The following AGBL4 variants were observed in gnomAD, a reference collection of about 807,000 sequenced individuals.
AGBL4 encodes AGBL carboxypeptidase 4.
Under a neutral mutation model 66.4 loss-of-function variants are expected in AGBL4, and 58 were observed. The observed-to-expected ratio is 0.87, with a 90% CI of 0.71 to 1.09. The LOEUF (loss-of-function observed/expected upper bound fraction) is 1.09, where lower values mean the gene tolerates loss of function less well. AGBL4 is among the 50% of genes least tolerant of loss of function. AGBL4 has a pLI of 0.00. For synonymous variants in AGBL4, 234 were observed against 222.9 expected (o/e 1.05, Z -0.44); for missense variants, 579 against 631.0 (o/e 0.92, Z 0.88).
chr1:49,569,255 T>C (rs1170388507), intron 3 of AGBL4, among the ~76,000 whole-genome samples: 1 of 151,958 alleles, frequency 6.6e-6, no homozygotes, highest in African/African-American at 2.4e-5. Context: ...GGGGCAGGGG[T>C]AGGATGGCTA....
At chr1:49,633,788 TCATAG>T (rs1012814902) in intron 3 of AGBL4, among the ~76,000 whole-genome samples, 23 of 150,382 alleles carry the variant, frequency 1.5e-4, no homozygotes, top group African/African-American at 5.6e-4. Flanking sequence ...TTTAAATATT[TCATAG>T]CATAAGTAAA....
At chr1:48,621,511 A>G (rs564317997) in intron 9 of AGBL4, among the ~76,000 whole-genome samples, 1 of 152,332 alleles carries the variant, frequency 6.6e-6, no homozygotes, top group African/African-American at 2.4e-5. Flanking sequence ...ATTGTTGGAA[A>G]GTATAAAAAA....
chr1:48,874,220 C>T (rs1208138147), intron 5 of AGBL4, among the ~76,000 whole-genome samples: 1 of 152,146 alleles, frequency 6.6e-6, no homozygotes, highest in Non-Finnish European at 1.5e-5. Flanking sequence ...GGCTCAAGCC[C>T]TTTCCTTTCC....
intron 3 of AGBL4, among the ~76,000 whole-genome samples, chr1:49,499,110 T>C (rs1647887398): frequency 6.6e-6 from 1 of 151,974 alleles, no homozygotes; most frequent in Non-Finnish European, 1.5e-5. Flanking sequence ...CTTCAATTTT[T>C]TGGGAGTCCT....
At chr1:48,685,170 A>C (rs2148484761) in intron 6 of AGBL4, among the ~76,000 whole-genome samples, 1 of 152,372 alleles carries the variant, frequency 6.6e-6, no homozygotes, top group Middle Eastern at 3.4e-3. Context: ...CCTTTCATAG[A>C]ATTTTTCAAA....
intron 3 of AGBL4, among the ~76,000 whole-genome samples, chr1:49,323,167 C>T (rs1262909423): frequency 6.6e-6 from 1 of 152,180 alleles, no homozygotes; most frequent in African/African-American, 2.4e-5. Flanking sequence ...CTTTCAAGGC[C>T]TTTCACATTT....
chr1:49,849,396 A>T (rs114221040), intron 2 of AGBL4, among the ~76,000 whole-genome samples: 3,483 of 78,108 alleles, frequency 0.045, 115 homozygotes, highest in African/African-American at 0.18. Flanking sequence ...CATCTAATTT[A>T]TTATTATTAT....
chr1:49,121,990 C>G (rs1319009959), intron 4 of AGBL4, among the ~76,000 whole-genome samples: 2 of 152,378 alleles, frequency 1.3e-5, no homozygotes. Flanking sequence ...GTGAGCAAGG[C>G]TCCGTAGGCA....
intron 3 of AGBL4, among the ~76,000 whole-genome samples, chr1:49,325,309 T>C (rs921766799): frequency 1.3e-5 from 2 of 152,200 alleles, no homozygotes; most frequent in Admixed American, 6.5e-5. Context: ...TGAAGATAAC[T>C]TACAAACAGG....
chr1:49,511,169 A>G lies in AGBL4; in HGVS notation c.282+186144T>C, dbSNP rs563874004. ...ACACACACACACGTATGTTTATTGC[A>G]GCATTATTCACAATAGCAAAGACTT... On this transcript the variant is annotated intron_variant, in intron 3 of 13. Transcript: ENST00000371839. 1.4e-4 allele frequency among the ~76,000 whole-genome samples: 22 copies of G among 152,024 alleles called. No homozygotes were observed. In the South Asian group the frequency reaches 3.9e-3, roughly 27 times the overall value.
intron 4 of AGBL4, among the ~76,000 whole-genome samples, chr1:49,116,518 G>A (rs548222672): frequency 6.6e-6 from 1 of 152,094 alleles, no homozygotes; most frequent in Non-Finnish European, 1.5e-5. Flanking sequence ...ATGTTTTCCA[G>A]CTTCATCCAT....
chr1:49,503,204 G>T (rs1262803596), intron 3 of AGBL4, among the ~76,000 whole-genome samples: 2 of 152,078 alleles, frequency 1.3e-5, no homozygotes, highest in Non-Finnish European at 2.9e-5. Context: ...GAGGGTACAA[G>T]CCCCCAGCCT....
intron 4 of AGBL4, among the ~76,000 whole-genome samples, chr1:49,104,129 T>G (rs995630836): frequency 6.6e-6 from 1 of 152,146 alleles, no homozygotes; most frequent in Non-Finnish European, 1.5e-5. Context: ...TTCTTCCTCC[T>G]TCTTCACCTG....
rs528114802 is a variant in AGBL4, at chr1:48,609,282, G to A, written c.952-18297C>T. ...CTTAACAAACTTCTGTTACTCTCCT[G>A]AAGCCTGAAGGATAATGCTCTACCA... is the stretch of plus-strand genomic sequence containing the variant. On this transcript the variant is annotated intron_variant, in intron 9 of 13. Coordinates refer to ENST00000371839, the MANE Select transcript of AGBL4 (RefSeq NM_032785.4). Among the ~76,000 whole-genome samples the A allele has an allele frequency of 8.5e-5, 13 of 152,280 alleles. No individual in the cohort carries two copies. In the East Asian group the frequency reaches 2.5e-3, roughly 29 times the overall value.
intron 1 of AGBL4, among the ~76,000 whole-genome samples, chr1:49,888,981 A>C (rs1648358092): frequency 6.6e-6 from 1 of 152,228 alleles, no homozygotes; most frequent in African/African-American, 2.4e-5. Context: ...CTTATTTTAA[A>C]GTTGAGAAGA....
At chr1:48,662,077 C>T (rs920436451) in intron 7 of AGBL4, among the ~76,000 whole-genome samples, 6 of 152,178 alleles carry the variant, frequency 3.9e-5, no homozygotes, top group Admixed American at 2.6e-4. Context: ...GGAAGGCAAT[C>T]GTGCCTAACT....
At chr1:49,602,330 G>A (rs1241670015) in intron 3 of AGBL4, among the ~76,000 whole-genome samples, 4 of 152,070 alleles carry the variant, frequency 2.6e-5, no homozygotes, top group South Asian at 2.1e-4. Flanking sequence ...TTGACCCAGC[G>A]ATCACATCAC....
intron 9 of AGBL4, among the ~76,000 whole-genome samples, chr1:48,626,256 C>T (rs1328131550): frequency 6.6e-6 from 1 of 152,198 alleles, no homozygotes; most frequent in Non-Finnish European, 1.5e-5. Context: ...CATTCCTCTC[C>T]ACCCAACTCC....
chr1:48,747,108 T>C (rs1283729997), intron 6 of AGBL4, among the ~76,000 whole-genome samples: 1 of 152,216 alleles, frequency 6.6e-6, no homozygotes, highest in East Asian at 1.9e-4. Context: ...TTCTGAGGCA[T>C]TGTTCTCCCT....
Sources: gnomAD v4.1 joint callset for allele counts (sites outside exome capture counted in the v4.1 genomes callset) on GRCh38, gnomAD v4.1.1 for gene constraint, MANE v1.5 for transcripts, NCBI Gene and HGNC (gene_info 2026-07-23, HGNC 2026-07-21) for gene names.